HS3ST5: variants seen among roughly 807,000 people sequenced by gnomAD.
HS3ST5 encodes heparan sulfate glucosamine 3-O-sulfotransferase 5.
HS3ST5 carries 10 observed loss-of-function variants against 25.4 expected under a neutral mutation model. The ratio of observed to expected loss-of-function variants is 0.39; its 90% CI spans 0.24 to 0.67. HS3ST5 has a LOEUF of 0.67. Among genes scored for constraint, HS3ST5 ranks in the 30% least tolerant of loss-of-function variants. The pLI, the probability that HS3ST5 is intolerant of heterozygous loss-of-function variation, is 0.44. For missense variants in HS3ST5, 324 were observed against 420.7 expected, an observed-to-expected ratio of 0.77 and a Z score of 2.01; for synonymous variants, 170 against 162.4, an observed-to-expected ratio of 1.05 and a Z score of -0.36.
chr6:114,174,523 A>C (rs765946459), intron 2 of HS3ST5, among the ~76,000 whole-genome samples: 5 of 152,302 alleles, frequency 3.3e-5, no homozygotes, highest in Admixed American at 6.5e-5. Flanking sequence ...TACATGATGA[A>C]TGTGTTTCTT....
chr6:114,235,925 A>C (rs1251709414), intron 1 of HS3ST5, among the ~76,000 whole-genome samples: 1 of 152,252 alleles, frequency 6.6e-6, no homozygotes, highest in Non-Finnish European at 1.5e-5. Context: ...TTTTGGCAAC[A>C]GTAGTGGTCA....
intron 1 of HS3ST5, among the ~76,000 whole-genome samples, chr6:114,321,612 C>A (rs745614168): frequency 1.1e-4 from 17 of 152,056 alleles, no homozygotes; most frequent in Non-Finnish European, 2.1e-4. Context: ...ATACATGTAG[C>A]ACAACACAAT....
intron 1 of HS3ST5, among the ~76,000 whole-genome samples, chr6:114,303,344 T>A (rs925518210): frequency 1.8e-4 from 27 of 149,316 alleles, no homozygotes; most frequent in African/African-American, 6.7e-4. Flanking sequence ...CTGCCACATT[T>A]TAGCTTCACT....
At chr6:114,142,931 G>A (rs1332456583) in intron 3 of HS3ST5, 2 of 152,204 alleles carry the variant, frequency 1.3e-5, no homozygotes, top group Non-Finnish European at 2.9e-5. Flanking sequence ...ACACATTAAC[G>A]GGGAAAAATG....
intron 3 of HS3ST5, among the ~76,000 whole-genome samples, chr6:114,153,000 C>A (rs1213441916): frequency 6.6e-6 from 1 of 152,208 alleles, no homozygotes; most frequent in Non-Finnish European, 1.5e-5. Context: ...AGCCCTCACA[C>A]CCCTCTTGAC....
intron 3 of HS3ST5, among the ~76,000 whole-genome samples, chr6:114,093,623 G>C (rs1017823315): frequency 6.6e-6 from 1 of 151,676 alleles, no homozygotes; most frequent in African/African-American, 2.4e-5. Flanking sequence ...CTATACATCT[G>C]GTTTCCTCTT....
chr6:114,341,916 GAAAC>G (rs1242994869), intron 1 of HS3ST5, among the ~76,000 whole-genome samples: 2 of 152,094 alleles, frequency 1.3e-5, no homozygotes, highest in African/African-American at 4.8e-5. Flanking sequence ...GACTGAGAGA[GAAAC>G]AGACAGGCAG....
chr6:114,062,780 C>T lies in HS3ST5; in HGVS notation c.66G>A (p.Gly22=). Residue 22 remains glycine, a synonymous_variant, in exon 4 of 5, where the codon GGG becomes GGA. Transcript: ENST00000312719. Reference sequence around the variant, plus strand: ...CTCTGGCGACTAGATACAGGAGACTCCCAACGGCAAGGCTTCCCAGCACCA... The same window carrying T: ...CTCTGGCGACTAGATACAGGAGACTTCCAACGGCAAGGCTTCCCAGCACCA... The part of the protein sequence containing the change: ...KLLVLGSLAV[G]SLLYLVARVG... 1 of 1,614,154 alleles carries T rather than the reference C, an allele frequency of 6.2e-7. No individual in the cohort carries two copies. Among genetic ancestry groups the T allele is most frequent in the Non-Finnish European group, 8.5e-7 (1 of 1,179,980 alleles).
At chr6:114,250,580 CAAAA>C (rs11289635) in intron 1 of HS3ST5, among the ~76,000 whole-genome samples, 1 of 118,934 alleles carries the variant, frequency 8.4e-6, no homozygotes. Context: ...GACTCCGTCT[CAAAA>C]AAAAAAAAAA....
intron 2 of HS3ST5, among the ~76,000 whole-genome samples, chr6:114,192,184 C>T (rs1780535582): frequency 6.6e-6 from 1 of 152,128 alleles, no homozygotes; most frequent in Non-Finnish European, 1.5e-5. Flanking sequence ...CTATCACTTT[C>T]ATTAAGTGGA....
At chr6:114,152,144 G>A (rs775502981) in intron 3 of HS3ST5, among the ~76,000 whole-genome samples, 13 of 151,938 alleles carry the variant, frequency 8.6e-5, no homozygotes, top group East Asian at 1.9e-4. Context: ...GGATGGTCTC[G>A]AACTCCTGAC....
chr6:114,147,677 C>A (rs531443254), intron 3 of HS3ST5, among the ~76,000 whole-genome samples: 1 of 152,098 alleles, frequency 6.6e-6, no homozygotes, highest in Non-Finnish European at 1.5e-5. Context: ...GCCTCCTAGG[C>A]TCAAGTGATC....
chr6:114,290,671 T>C (rs1774536860), intron 1 of HS3ST5, among the ~76,000 whole-genome samples: 1 of 152,178 alleles, frequency 6.6e-6, no homozygotes, highest in Non-Finnish European at 1.5e-5. Flanking sequence ...GAGTTGATGC[T>C]AAATTTTTCT....
At chr6:114,311,233 T>C (rs1775516740) in intron 1 of HS3ST5, among the ~76,000 whole-genome samples, 1 of 152,164 alleles carries the variant, frequency 6.6e-6, no homozygotes, top group Admixed American at 6.5e-5. Context: ...TCTGATGCTA[T>C]TCGACCTTCA....
At chr6:114,180,859 C>T (rs1376405782) in intron 2 of HS3ST5, among the ~76,000 whole-genome samples, 1 of 152,196 alleles carries the variant, frequency 6.6e-6, no homozygotes, top group African/African-American at 2.4e-5. Flanking sequence ...CAATTCAGTT[C>T]ATAGCAGGTA....
chr6:114,264,154 C>T (rs1020118966), intron 1 of HS3ST5, among the ~76,000 whole-genome samples: 9 of 152,034 alleles, frequency 5.9e-5, no homozygotes, highest in African/African-American at 2.2e-4. Context: ...AAATGTAGAG[C>T]CACATTACTA....
chr6:114,146,361 G>A (rs933362550), intron 3 of HS3ST5, among the ~76,000 whole-genome samples: 4 of 152,162 alleles, frequency 2.6e-5, no homozygotes, highest in African/African-American at 9.7e-5. Context: ...GAATCATATC[G>A]TTAAAGAAAG....
chr6:114,060,088 A>G (rs1773013373), intron 4 of HS3ST5, among the ~76,000 whole-genome samples: 2 of 152,084 alleles, frequency 1.3e-5, no homozygotes, highest in Non-Finnish European at 2.9e-5. Flanking sequence ...ATCTTGGCTC[A>G]CTGCAATCTC....
intron 2 of HS3ST5, among the ~76,000 whole-genome samples, chr6:114,222,763 T>C (rs1782102205): frequency 6.6e-6 from 1 of 151,812 alleles, no homozygotes; most frequent in Non-Finnish European, 1.5e-5. Flanking sequence ...GACACTCATC[T>C]TATCAAATAT....
Sources: gnomAD v4.1 joint callset for allele counts (sites outside exome capture counted in the v4.1 genomes callset) on GRCh38, gnomAD v4.1.1 for gene constraint, MANE v1.5 for transcripts, NCBI Gene and HGNC (gene_info 2026-07-23, HGNC 2026-07-21) for gene names.